Variants in DTNA observed in about 807,000 individuals in gnomAD.
The protein encoded by DTNA is dystrophin-related protein 3.
A neutral mutation model predicts 100.7 loss-of-function variants in DTNA; 43 were observed. That is an observed-to-expected ratio of 0.43 (90% CI 0.33 to 0.55). The LOEUF (loss-of-function observed/expected upper bound fraction) is 0.55. Ranked by LOEUF, DTNA falls within the 20% of genes least tolerant of loss-of-function variation. The probability of loss-of-function intolerance (pLI) is 0.04; values close to 1 mark genes in which losing one functional copy is unlikely to be tolerated. For missense variants in DTNA, 798 were observed against 953.9 expected (o/e 0.84, Z 2.15); for synonymous variants, 349 against 347.9 (o/e 1.00, Z -0.04).
At chr18:34,878,556 T>C (rs1245282138) in intron 19 of DTNA, among the ~76,000 whole-genome samples, 1 of 152,176 alleles carries the variant, frequency 6.6e-6, no homozygotes, top group Non-Finnish European at 1.5e-5. Flanking sequence ...TCCTCCTGCT[T>C]CAGCCTCCCG....
At chr18:34,510,622 CT>C (rs1027138316) in intron 1 of DTNA, among the ~76,000 whole-genome samples, 12,836 of 92,846 alleles carry the variant, frequency 0.14, 388 homozygotes, top group Non-Finnish European at 0.16. Flanking sequence ...ACTGGCCATT[CT>C]TTTTTTTTTT....
At chr18:34,848,803 T>A (rs2096427839) in intron 14 of DTNA, among the ~76,000 whole-genome samples, 1 of 152,220 alleles carries the variant, frequency 6.6e-6, no homozygotes, top group South Asian at 2.1e-4. Context: ...GCTTTCTCCA[T>A]TTGTGTCAGT....
At chr18:34,543,168 C>G (rs1320941703) in intron 1 of DTNA, among the ~76,000 whole-genome samples, 2 of 151,940 alleles carry the variant, frequency 1.3e-5, no homozygotes, top group African/African-American at 2.4e-5. Context: ...AGATGTTTCT[C>G]TATGTATTTA....
intron 20 of DTNA, 124 bp downstream of exon 20, chr18:34,879,843 G>C (rs2096854761): frequency 4.0e-6 from 5 of 1,246,912 alleles, no homozygotes; most frequent in Middle Eastern, 2.1e-4. Context: ...ATAGTTTTCT[G>C]TTCTGCCAGA....
chr18:34,540,776 A>C (rs1024050134), intron 1 of DTNA, among the ~76,000 whole-genome samples: 1 of 152,124 alleles, frequency 6.6e-6, no homozygotes, highest in African/African-American at 2.4e-5. Context: ...ACTTGATATC[A>C]TTAAAACTGT....
chr18:34,587,827 G>C (rs2049293932), intron 1 of DTNA, among the ~76,000 whole-genome samples: 1 of 152,060 alleles, frequency 6.6e-6, no homozygotes, highest in Non-Finnish European at 1.5e-5. Context: ...ACATATATAG[G>C]ATGACCAACT....
intron 1 of DTNA, among the ~76,000 whole-genome samples, chr18:34,559,269 C>T (rs1286886809): frequency 6.6e-6 from 1 of 152,160 alleles, no homozygotes; most frequent in East Asian, 1.9e-4. Context: ...AAATTCAAAA[C>T]TCACAGTTGT....
intron 1 of DTNA, among the ~76,000 whole-genome samples, chr18:34,629,784 A>G (rs2057829342): frequency 6.6e-6 from 1 of 152,014 alleles, no homozygotes; most frequent in African/African-American, 2.4e-5. Flanking sequence ...AATGTCCTGA[A>G]CCACCTTCCT....
intron 3 of DTNA, among the ~76,000 whole-genome samples, chr18:34,786,117 A>C (rs1010546310): frequency 6.6e-6 from 1 of 152,222 alleles, no homozygotes; most frequent in African/African-American, 2.4e-5. Context: ...GGTGCTTAGA[A>C]TACTGAATGA....
chr18:34,593,428 T>C (rs2049963647), intron 1 of DTNA: 1 of 152,240 alleles, frequency 6.6e-6, no homozygotes, highest in South Asian at 2.1e-4. Context: ...CTGTTGTAAT[T>C]ACCAATTTGG....
chr18:34,579,396 A>G (rs1311415318), intron 1 of DTNA, among the ~76,000 whole-genome samples: 1 of 152,200 alleles, frequency 6.6e-6, no homozygotes, highest in Non-Finnish European at 1.5e-5. Context: ...ATCCACTCTA[A>G]TAATTTTCAG....
At chr18:34,692,257 C>T (rs1238086211) in intron 1 of DTNA, among the ~76,000 whole-genome samples, 1 of 152,196 alleles carries the variant, frequency 6.6e-6, no homozygotes, top group Non-Finnish European at 1.5e-5. Context: ...GAGCTCCGTT[C>T]TGGGGAAGGA....
intron 1 of DTNA, among the ~76,000 whole-genome samples, chr18:34,664,911 A>C (rs541742633): frequency 3.3e-5 from 5 of 152,078 alleles, no homozygotes; most frequent in Admixed American, 3.3e-4. Flanking sequence ...CCTTTTTTTA[A>C]CCCCAAAGTA....
At chr18:34,830,625 G>T (rs1293837633) in intron 11 of DTNA, among the ~76,000 whole-genome samples, 3 of 151,984 alleles carry the variant, frequency 2.0e-5, no homozygotes, top group East Asian at 3.9e-4. Flanking sequence ...GAAAAAAAAA[G>T]CGATTCTCAA....
intron 7 of DTNA, among the ~76,000 whole-genome samples, chr18:34,816,905 G>A (rs1426867215): frequency 6.6e-6 from 1 of 152,120 alleles, no homozygotes; most frequent in African/African-American, 2.4e-5. Context: ...TTCTCATGGA[G>A]AAAATTTAAA....
At chr18:34,832,961 C>A (rs899001670) in intron 11 of DTNA, among the ~76,000 whole-genome samples, 5 of 151,968 alleles carry the variant, frequency 3.3e-5, no homozygotes, top group African/African-American at 1.2e-4. Flanking sequence ...TTCACAAATC[C>A]AAATGTCATA....
chr18:34,732,570 T>G (rs545641112), intron 1 of DTNA, among the ~76,000 whole-genome samples: 1 of 152,344 alleles, frequency 6.6e-6, no homozygotes, highest in South Asian at 2.1e-4. Flanking sequence ...CTGCTTACGT[T>G]TTAGAAGCTT....
chr18:34,589,411 A>G (rs1598777111), intron 1 of DTNA, among the ~76,000 whole-genome samples: 1 of 152,124 alleles, frequency 6.6e-6, no homozygotes, highest in South Asian at 2.1e-4. Flanking sequence ...GATCGAGACC[A>G]TCCTGGCTAA....
rs1035991071 is a variant in DTNA at position 34,889,642 on chromosome 18, C to A, written c.*1908C>A. 2 of 985,690 alleles carry A rather than the reference C, an allele frequency of 2.0e-6. No homozygotes were observed. Among genetic ancestry groups the A allele is most frequent in the Non-Finnish European group, 2.4e-6 (2 of 829,962 alleles). 61.1% of individuals were successfully genotyped at this position (985,690 alleles called of 1,614,324 possible). ...GTTCACATGTCTGCGTTTGGTCAGA[C>A]ATCATCTCCTTGGCTGCCCTTTGAA... On this transcript the variant is annotated 3_prime_UTR_variant, in exon 23 of 23. Coordinates refer to ENST00000444659, the MANE Select transcript of DTNA (RefSeq NM_001386795.1).
Sources: allele counts gnomAD v4.1 joint callset (sites outside exome capture counted in the v4.1 genomes callset), GRCh38; gene constraint gnomAD v4.1.1; transcripts MANE v1.5; gene names NCBI Gene and HGNC (gene_info 2026-07-23, HGNC 2026-07-21).